RGS12: variants seen among roughly 807,000 people sequenced by gnomAD.
RGS12 encodes regulator of G protein signaling 12, also known as regulator of G-protein signaling 12.
Under a neutral mutation model 120.1 loss-of-function variants are expected in RGS12, and 66 were observed. The observed-to-expected ratio is 0.55, with a 90% CI of 0.45 to 0.67. The LOEUF is 0.67. Ranked by LOEUF, RGS12 falls within the 30% of genes least tolerant of loss-of-function variation. The pLI is 0.00. For synonymous variants in RGS12, 827 were observed against 804.7 expected, an observed-to-expected ratio of 1.03 and a Z score of -0.47; for missense variants, 1,859 against 1,957.7, an observed-to-expected ratio of 0.95 and a Z score of 0.95.
At chr4:3,432,701 C>T (rs1471855043) in intron 17 of RGS12, among the ~76,000 whole-genome samples, 4 of 152,352 alleles carry the variant, frequency 2.6e-5, no homozygotes, top group South Asian at 2.1e-4. Flanking sequence ...GGTCCCCCTG[C>T]GCTCTGGTGG....
At chr4:3,397,464 C>T (rs766397168) in intron 4 of RGS12, among the ~76,000 whole-genome samples, 7 of 152,132 alleles carry the variant, frequency 4.6e-5, no homozygotes, top group African/African-American at 9.7e-5. Context: ...CAGGGGGTCG[C>T]GAGGAACCCA....
At chr4:3,343,403 C>T (rs1454588342) in intron 3 of RGS12, among the ~76,000 whole-genome samples, 1 of 152,186 alleles carries the variant, frequency 6.6e-6, no homozygotes, top group East Asian at 1.9e-4. Flanking sequence ...GGGTAAGTGT[C>T]ATTTTGTGTG....
chr4:3,333,205 T>A (rs1578749979), intron 2 of RGS12, among the ~76,000 whole-genome samples: 1 of 152,238 alleles, frequency 6.6e-6, no homozygotes, highest in African/African-American at 2.4e-5. Flanking sequence ...GCCTGCCACC[T>A]TGCCCGGCTA....
chr4:3,338,649 G>C (rs575608290), intron 2 of RGS12, among the ~76,000 whole-genome samples: 1 of 130,090 alleles, frequency 7.7e-6, no homozygotes, highest in Admixed American at 7.3e-5. Flanking sequence ...TGTGGTTGGC[G>C]GGCGGGCGGT....
At chr4:3,327,594 A>G (rs1261735302) in intron 2 of RGS12, among the ~76,000 whole-genome samples, 2 of 152,244 alleles carry the variant, frequency 1.3e-5, no homozygotes, top group African/African-American at 2.4e-5. Context: ...AAATAACGCC[A>G]TTAAAAAGTG....
rs183719543 is a variant in RGS12, at chr4:3,354,273, A to T, written c.1998+11220A>T. On this transcript the variant is annotated intron_variant, in intron 3 of 17. Coordinates refer to ENST00000336727, the MANE Select transcript of RGS12 (RefSeq NM_001394154.1). ...TATTGGAGGCTCTGCTCACCTTTACAAGTCCTGAGTGGGGCTCTGCCATGT... is the reference window on the plus strand; with the variant it reads ...TATTGGAGGCTCTGCTCACCTTTACTAGTCCTGAGTGGGGCTCTGCCATGT... 5.4e-3 allele frequency among the ~76,000 whole-genome samples: 820 copies of T among 152,312 alleles called. 25 individuals carry two copies. Among genetic ancestry groups the T allele is most frequent in the Admixed American group, 0.041 (634 of 15,302 alleles).
chr4:3,437,371 G>A (rs1331337848), intron 17 of RGS12, among the ~76,000 whole-genome samples: 2 of 152,178 alleles, frequency 1.3e-5, no homozygotes, highest in African/African-American at 4.8e-5. Flanking sequence ...GGGCTGGCGG[G>A]GTAGAGCCGG....
chr4:3,294,964 T>C lies in RGS12; in HGVS notation c.-102+1865T>C, dbSNP rs1338411779. On this transcript the variant is annotated intron_variant, in intron 1 of 17. Transcript: ENST00000336727. ...GCAGGGGTGGCGCGGCCTGAGGGCA[T>C]GTCCTGGGGAGGGTCAGGAGGTGGG... 2.6e-5 allele frequency among the ~76,000 whole-genome samples: 4 copies of C among 152,098 alleles called. No individual in the cohort carries two copies. In the South Asian group the frequency reaches 6.2e-4, roughly 24 times the overall value.
chr4:3,358,398 A>G (rs916668315), intron 3 of RGS12, among the ~76,000 whole-genome samples: 1 of 152,198 alleles, frequency 6.6e-6, no homozygotes, highest in East Asian at 1.9e-4. Flanking sequence ...GTGGGCATTC[A>G]TGCCTTGTTC....
Position 3,374,173 on chromosome 4 carries a change from C to G in RGS12, c.1999-12243C>G, listed in dbSNP as rs1178278925. Among the ~76,000 whole-genome samples, 1 of 152,246 alleles carries G rather than the reference C, an allele frequency of 6.6e-6. No homozygotes were observed. The highest frequency in any genetic ancestry group is 1.5e-5 in the Non-Finnish European group (1 of 68,038). On this transcript the variant is annotated intron_variant, in intron 3 of 17. Coordinates refer to ENST00000336727, the MANE Select transcript of RGS12 (RefSeq NM_001394154.1). This position sits in a 1 kb window ranked among gnomAD's most constrained non-coding sequence, Gnocchi z 6.3. ...TGTGGAGGCTGGTTGAGGTTCCTTG[C>G]AACGCTTGCCATCCTACGCATGATG...
chr4:3,310,067 G>T (rs1176315902), intron 1 of RGS12, among the ~76,000 whole-genome samples: 17 of 148,350 alleles, frequency 1.1e-4, no homozygotes, highest in Non-Finnish European at 1.6e-4. Context: ...GAACCGTGTG[G>T]GGGAGGAGCT....
intron 3 of RGS12, among the ~76,000 whole-genome samples, chr4:3,347,577 G>C (rs887494513): frequency 2.0e-5 from 3 of 152,120 alleles, no homozygotes; most frequent in Non-Finnish European, 4.4e-5. Context: ...TTTTTGTTCT[G>C]CTTGATCTTG....
intron 3 of RGS12, among the ~76,000 whole-genome samples, chr4:3,357,150 A>C (rs540648116): frequency 6.6e-6 from 1 of 152,072 alleles, no homozygotes; most frequent in African/African-American, 2.4e-5. Flanking sequence ...GCATCTTTTC[A>C]TGTGCTTTTT....
chr4:3,343,154 C>T, intron 3 of RGS12, 101 bp downstream of exon 3: 2 of 760,448 alleles, frequency 2.6e-6, no homozygotes, highest in East Asian at 2.6e-5. Context: ...CCTGTGGTCC[C>T]CTCCCCTCCT....
At chr4:3,406,159 T>TG (rs1721097075) in intron 4 of RGS12, among the ~76,000 whole-genome samples, 1 of 152,156 alleles carries the variant, frequency 6.6e-6, no homozygotes, top group Non-Finnish European at 1.5e-5. Context: ...CACGGGACTG[T>TG]GGGGCCCCGC....
At chr4:3,409,533 GC>G (rs1721509914) in intron 4 of RGS12, among the ~76,000 whole-genome samples, 1 of 152,212 alleles carries the variant, frequency 6.6e-6, no homozygotes, top group Non-Finnish European at 1.5e-5. Context: ...AATGGGGAGA[GC>G]AGCCCTGTGG....
At chr4:3,331,377 G>A (rs1028461410) in intron 2 of RGS12, among the ~76,000 whole-genome samples, 12 of 151,768 alleles carry the variant, frequency 7.9e-5, no homozygotes, top group African/African-American at 2.4e-4. Flanking sequence ...TCTTATGATG[G>A]GAATATGAAC....
intron 3 of RGS12, among the ~76,000 whole-genome samples, chr4:3,367,833 C>CGGAGGCCCTGTTGTT (rs1298707849): frequency 2.0e-5 from 3 of 152,200 alleles, no homozygotes; most frequent in Non-Finnish European, 4.4e-5. Flanking sequence ...CAGGAGAACC[C>CGGAGGCCCTGTTGTT]GGAGGCCCTG....
At chr4:3,313,307 G>T (rs900541744) in intron 1 of RGS12, among the ~76,000 whole-genome samples, 3 of 152,214 alleles carry the variant, frequency 2.0e-5, no homozygotes, top group Admixed American at 6.5e-5. Flanking sequence ...GAGGTGTTCT[G>T]TTCCCCGAGG....
Sources: allele counts gnomAD v4.1 joint callset (sites outside exome capture counted in the v4.1 genomes callset), GRCh38; gene constraint gnomAD v4.1.1; non-coding constraint Gnocchi (gnomAD v3.1); transcripts MANE v1.5; gene names NCBI Gene and HGNC (gene_info 2026-07-23, HGNC 2026-07-21).